NRXN1: variants seen among roughly 807,000 people sequenced by gnomAD.
NRXN1 encodes neurexin-1.
In NRXN1, 39 loss-of-function variants were observed where a neutral mutation model predicts 150.9. That is an observed-to-expected ratio of 0.26 (90% CI 0.20 to 0.34). The LOEUF is 0.34. Ranked by LOEUF, NRXN1 falls within the 10% of genes least tolerant of loss-of-function variation. NRXN1 has a pLI of 1.00. For synonymous variants in NRXN1, 924 were observed against 757.0 expected, an observed-to-expected ratio of 1.22 and a Z score of -3.62; for missense variants, 1,815 against 1,949.9, an observed-to-expected ratio of 0.93 and a Z score of 1.30.
At chr2:50,142,334 G>A (rs565703943) in intron 18 of NRXN1, among the ~76,000 whole-genome samples, 1 of 151,920 alleles carries the variant, frequency 6.6e-6, no homozygotes, top group East Asian at 1.9e-4. Flanking sequence ...GGGGTGAAGA[G>A]AGGTAGGACA....
At chr2:50,025,436 C>T (rs530728160) in intron 21 of NRXN1, among the ~76,000 whole-genome samples, 18 of 152,150 alleles carry the variant, frequency 1.2e-4, no homozygotes, top group African/African-American at 4.3e-4. Flanking sequence ...ATGAATGGAA[C>T]TTATATTTAG....
chr2:50,705,546 T>C (rs879695239), intron 5 of NRXN1, among the ~76,000 whole-genome samples: 1 of 152,186 alleles, frequency 6.6e-6, no homozygotes, highest in Non-Finnish European at 1.5e-5. Flanking sequence ...ATAAGATATA[T>C]CTTGACTTTC....
chr2:50,925,967 T>C lies in NRXN1; in HGVS notation c.773-12A>G. 6.4e-7 allele frequency: 1 copy of C among 1,571,068 alleles called. No individual in the cohort carries two copies. Among genetic ancestry groups the C allele is most frequent in the Non-Finnish European group, 8.6e-7 (1 of 1,156,454 alleles). ...CACATTGTTGTCTTCTGAAAGCACATGACAAGGAGGGAGAGAAAAGGAAAA... is the reference window on the plus strand; with the variant it reads ...CACATTGTTGTCTTCTGAAAGCACACGACAAGGAGGGAGAGAAAAGGAAAA... On this transcript the variant is annotated splice_polypyrimidine_tract_variant and intron_variant, in intron 2 of 22. Transcript: ENST00000401669.
At chr2:50,196,172 T>G (rs1339146838) in intron 18 of NRXN1, among the ~76,000 whole-genome samples, 2 of 152,038 alleles carry the variant, frequency 1.3e-5, no homozygotes, top group Non-Finnish European at 2.9e-5. Flanking sequence ...ACTCCCTATG[T>G]CCATCTGCTG....
chr2:50,500,129 T>A (rs1389785557), intron 13 of NRXN1, among the ~76,000 whole-genome samples: 2 of 151,948 alleles, frequency 1.3e-5, no homozygotes, highest in Non-Finnish European at 2.9e-5. Context: ...CTGAAAAAAA[T>A]ATTTCTAACA....
At chr2:50,004,379 G>A (rs1421995093) in intron 21 of NRXN1, among the ~76,000 whole-genome samples, 1 of 152,048 alleles carries the variant, frequency 6.6e-6, no homozygotes, top group Non-Finnish European at 1.5e-5. Flanking sequence ...TATATATAGA[G>A]AGAGTGGAAG....
At chr2:50,569,571 T>A (rs1260986389) in intron 8 of NRXN1, among the ~76,000 whole-genome samples, 1 of 152,182 alleles carries the variant, frequency 6.6e-6, no homozygotes, top group Non-Finnish European at 1.5e-5. Flanking sequence ...ATAATACATA[T>A]GATGACTCGC....
At chr2:49,996,903 C>A (rs955022737) in intron 21 of NRXN1, among the ~76,000 whole-genome samples, 2 of 152,172 alleles carry the variant, frequency 1.3e-5, no homozygotes, top group Non-Finnish European at 2.9e-5. Flanking sequence ...TATACTACAT[C>A]TTAGTCCAAA....
Position 49,921,400 on chromosome 2 carries a change from C to A in NRXN1, c.*544G>T, listed in dbSNP as rs200120377. On this transcript the variant is annotated 3_prime_UTR_variant, in exon 23 of 23. Coordinates refer to ENST00000401669, the MANE Select transcript of NRXN1 (RefSeq NM_001330078.2). The stretch of plus-strand genomic sequence containing the variant: ...TTCCTACACAAGTCTTCAAAAAAGC[C>A]AGCACTTTGTTTCAAATGCAAGTTC... 6.5e-6 allele frequency: 1 copy of A among 152,678 alleles called. No individual in the cohort carries two copies. Among genetic ancestry groups the A allele is most frequent in the Non-Finnish European group, 1.5e-5 (1 of 68,132 alleles). 9.5% of individuals were successfully genotyped at this position (152,678 alleles called of 1,614,324 possible).
At chr2:50,034,707 T>A (rs1342877841) in intron 21 of NRXN1, among the ~76,000 whole-genome samples, 1 of 152,096 alleles carries the variant, frequency 6.6e-6, no homozygotes, top group Admixed American at 6.6e-5. Context: ...ATATACTTAG[T>A]AAAGGAATGA....
At chr2:50,831,620 G>C (rs927099469) in intron 5 of NRXN1, among the ~76,000 whole-genome samples, 2 of 152,134 alleles carry the variant, frequency 1.3e-5, no homozygotes, top group South Asian at 2.1e-4. Context: ...ACACATTTCT[G>C]TCTTTAGAAT....
intron 5 of NRXN1, among the ~76,000 whole-genome samples, chr2:50,641,107 T>G (rs1684013639): frequency 6.6e-6 from 1 of 152,152 alleles, no homozygotes; most frequent in South Asian, 2.1e-4. Flanking sequence ...ACGTCTAAGC[T>G]GCTTTTCCTT....
At chr2:50,323,438 A>G (rs550850197) in intron 17 of NRXN1, among the ~76,000 whole-genome samples, 25 of 152,292 alleles carry the variant, frequency 1.6e-4, no homozygotes, top group African/African-American at 5.8e-4. Flanking sequence ...ACTAAAGAGC[A>G]GATATGGTGC....
At chr2:50,214,767 G>C (rs1259988842) in intron 18 of NRXN1, among the ~76,000 whole-genome samples, 1 of 151,886 alleles carries the variant, frequency 6.6e-6, no homozygotes, top group Non-Finnish European at 1.5e-5. Context: ...CTGCTTTCTT[G>C]TATGATTTTT....
intron 17 of NRXN1, among the ~76,000 whole-genome samples, chr2:50,374,040 G>C (rs1407907737): frequency 1.3e-5 from 2 of 151,036 alleles, no homozygotes; most frequent in Non-Finnish European, 2.9e-5. Flanking sequence ...GCTCACACTT[G>C]TAATCTCAGC....
chr2:50,127,616 A>G (rs546419195), intron 18 of NRXN1, among the ~76,000 whole-genome samples: 7 of 152,264 alleles, frequency 4.6e-5, no homozygotes, highest in Admixed American at 1.3e-4. Context: ...GTGCCTTACT[A>G]TATGTCTTAT....
chr2:50,147,102 A>C (rs181265883), intron 18 of NRXN1, among the ~76,000 whole-genome samples: 1 of 151,850 alleles, frequency 6.6e-6, no homozygotes, highest in East Asian at 1.9e-4. Context: ...GCTATTTCAG[A>C]TGAATGGTAA....
At chr2:50,167,318 G>C (rs916434671) in intron 18 of NRXN1, among the ~76,000 whole-genome samples, 1 of 152,050 alleles carries the variant, frequency 6.6e-6, no homozygotes, top group African/African-American at 2.4e-5. Flanking sequence ...CACTCTCCTA[G>C]GAATTTAATT....
At chr2:50,392,874 C>A (rs2081819917) in intron 17 of NRXN1, among the ~76,000 whole-genome samples, 1 of 151,940 alleles carries the variant, frequency 6.6e-6, no homozygotes, top group Non-Finnish European at 1.5e-5. Context: ...GTTCTAGCTA[C>A]CAGGGAGGGT....
Sources: gnomAD v4.1 joint callset for allele counts (sites outside exome capture counted in the v4.1 genomes callset) on GRCh38, gnomAD v4.1.1 for gene constraint, MANE v1.5 for transcripts, NCBI Gene and HGNC (gene_info 2026-07-23, HGNC 2026-07-21) for gene names.